GRM8: variants seen among roughly 807,000 people sequenced by gnomAD.
GRM8 encodes metabotropic glutamate receptor 8.
GRM8 carries 47 observed loss-of-function variants against 87.2 expected under a neutral mutation model. The observed-to-expected ratio is 0.54, with a 90% CI of 0.43 to 0.69. GRM8 has a LOEUF of 0.69. Ranked by LOEUF, GRM8 falls within the 30% of genes least tolerant of loss-of-function variation. GRM8 has a pLI of 0.00. For synonymous variants in GRM8, 396 were observed against 404.5 expected, an observed-to-expected ratio of 0.98 and a Z score of 0.25; for missense variants, 1,019 against 1,139.2, an observed-to-expected ratio of 0.89 and a Z score of 1.52.
intron 3 of GRM8, among the ~76,000 whole-genome samples, chr7:127,056,417 G>T (rs1819993084): frequency 6.6e-6 from 1 of 152,140 alleles, no homozygotes; most frequent in Admixed American, 6.5e-5. Flanking sequence ...GTCTGCATGG[G>T]TGCACAACCT....
At chr7:127,121,639 G>A (rs1181420537) in intron 2 of GRM8, among the ~76,000 whole-genome samples, 1 of 152,134 alleles carries the variant, frequency 6.6e-6, no homozygotes, top group Non-Finnish European at 1.5e-5. Context: ...TGGCTGGGAG[G>A]CCTCAGGAAA....
At chr7:126,918,906 C>T (rs1249168131) in intron 3 of GRM8, among the ~76,000 whole-genome samples, 1 of 152,114 alleles carries the variant, frequency 6.6e-6, no homozygotes, top group East Asian at 1.9e-4. Context: ...CCGATCAGAA[C>T]TGCAAATGAC....
intron 1 of GRM8, among the ~76,000 whole-genome samples, chr7:127,249,311 A>G (rs1798737836): frequency 6.6e-6 from 1 of 152,166 alleles, no homozygotes; most frequent in Non-Finnish European, 1.5e-5. Flanking sequence ...GGCCCTCCCC[A>G]GGGAGTGAGT....
chr7:126,496,970 A>ATTTTTTTTTT (rs71177562), intron 9 of GRM8, among the ~76,000 whole-genome samples: 3 of 143,010 alleles, frequency 2.1e-5, no homozygotes, highest in Non-Finnish European at 3.0e-5. Context: ...TGAGTTTTGG[A>ATTTTTTTTTT]TTTTTTTTTT....
At chr7:126,947,651 C>A (rs1807688202) in intron 3 of GRM8, among the ~76,000 whole-genome samples, 1 of 151,990 alleles carries the variant, frequency 6.6e-6, no homozygotes, top group African/African-American at 2.4e-5. Flanking sequence ...CCAATATGAA[C>A]ATTCCAAGAG....
chr7:127,024,504 A>G (rs1216245065), intron 3 of GRM8, among the ~76,000 whole-genome samples: 1 of 152,022 alleles, frequency 6.6e-6, no homozygotes, highest in Admixed American at 6.6e-5. Flanking sequence ...CCCTGTTTCC[A>G]CACTCGTCCT....
chr7:126,932,247 A>G (rs1448696837), intron 3 of GRM8, among the ~76,000 whole-genome samples: 1 of 152,170 alleles, frequency 6.6e-6, no homozygotes, highest in East Asian at 1.9e-4. Context: ...TCGGACATTT[A>G]TTTAAAGGGC....
chr7:127,033,332 C>A (rs548664918), intron 3 of GRM8, among the ~76,000 whole-genome samples: 5 of 151,808 alleles, frequency 3.3e-5, no homozygotes, highest in Admixed American at 6.6e-5. Flanking sequence ...ATATTACAAG[C>A]CTTACATTAT....
intron 6 of GRM8, among the ~76,000 whole-genome samples, chr7:126,890,368 T>C (rs1225242914): frequency 6.6e-6 from 1 of 152,108 alleles, no homozygotes; most frequent in Non-Finnish European, 1.5e-5. Context: ...AATGTATTAG[T>C]CTGGACTCTA....
Position 126,917,095 on chromosome 7 carries a change from C to G in GRM8, c.728-12412G>C, listed in dbSNP as rs1425362230. Among the ~76,000 whole-genome samples, 5 of 152,288 alleles carry G rather than the reference C, an allele frequency of 3.3e-5. No individual in the cohort carries two copies. In the East Asian group the frequency reaches 9.6e-4, roughly 29 times the overall value. ...GGCTCCAGGGATGATCCTATCCTGG[C>G]CTCCCAAGTAGCTAGGACTACAGGT... On this transcript the variant is annotated intron_variant, in intron 3 of 10. Coordinates refer to ENST00000339582, the MANE Select transcript of GRM8 (RefSeq NM_000845.3).
intron 7 of GRM8, 52 bp from the exon 8 acceptor site, chr7:126,609,550 T>C: frequency 7.1e-7 from 1 of 1,411,802 alleles, no homozygotes. Flanking sequence ...GATAGCCCAC[T>C]GGGTTTATTT....
chr7:127,150,115 T>C (rs1828773373), intron 2 of GRM8, among the ~76,000 whole-genome samples: 1 of 152,096 alleles, frequency 6.6e-6, no homozygotes, highest in African/African-American at 2.4e-5. Flanking sequence ...CATGTATCCC[T>C]TAACATGTTT....
chr7:127,101,056 T>C (rs1174824657), intron 3 of GRM8, among the ~76,000 whole-genome samples: 1 of 152,208 alleles, frequency 6.6e-6, no homozygotes, highest in African/African-American at 2.4e-5. Flanking sequence ...TTTTACTGTC[T>C]CTTTTCTGTT....
intron 7 of GRM8, among the ~76,000 whole-genome samples, chr7:126,615,338 A>G (rs1364680420): frequency 1.3e-5 from 2 of 152,112 alleles, no homozygotes; most frequent in Admixed American, 6.6e-5. Context: ...AGATTTTGTC[A>G]CCACCAGGCC....
At chr7:127,238,471 G>A (rs17864165) in intron 2 of GRM8, among the ~76,000 whole-genome samples, 3,816 of 152,180 alleles carry the variant, frequency 0.025, 65 homozygotes, top group South Asian at 0.072. Flanking sequence ...TCCCAGAGAG[G>A]GGCTTGGGAG....
At chr7:126,492,993 T>C (rs1808217821) in intron 9 of GRM8, among the ~76,000 whole-genome samples, 1 of 152,066 alleles carries the variant, frequency 6.6e-6, no homozygotes, top group Non-Finnish European at 1.5e-5. Context: ...GAAGAAAGCA[T>C]TGGGAAAGTT....
intron 2 of GRM8, among the ~76,000 whole-genome samples, chr7:127,156,109 A>ATTGG (rs2116160145): frequency 6.6e-6 from 1 of 152,308 alleles, no homozygotes; most frequent in South Asian, 2.1e-4. Flanking sequence ...GGAGAAAGAG[A>ATTGG]TTGGTCGTAA....
chr7:127,047,567 T>C (rs1819057895), intron 3 of GRM8, among the ~76,000 whole-genome samples: 1 of 152,144 alleles, frequency 6.6e-6, no homozygotes, highest in East Asian at 1.9e-4. Context: ...CAGTGGCTCA[T>C]GCCTATAATC....
rs558543913 is a variant in GRM8, at chr7:126,788,754, C to T, written c.1157-18689G>A. 2.9e-3 allele frequency among the ~76,000 whole-genome samples: 432 copies of T among 150,086 alleles called. 5 individuals carry two copies. Among genetic ancestry groups the T allele is most frequent in the African/African-American group, 0.01 (410 of 40,746 alleles). ...TAGGAGTTGAGTTCACAGATTGTGCCTATGAGAAAGCAATTAGAGGTAGAT... is the reference window on the plus strand; with the variant it reads ...TAGGAGTTGAGTTCACAGATTGTGCTTATGAGAAAGCAATTAGAGGTAGAT... On this transcript the variant is annotated intron_variant, in intron 6 of 10. Transcript: ENST00000339582.
Sources: gnomAD v4.1 joint callset for allele counts (sites outside exome capture counted in the v4.1 genomes callset) on GRCh38, gnomAD v4.1.1 for gene constraint, MANE v1.5 for transcripts, NCBI Gene and HGNC (gene_info 2026-07-23, HGNC 2026-07-21) for gene names.